Variants in FBN2 observed in about 807,000 individuals in gnomAD.
FBN2 encodes the protein fibrillin-2.
In FBN2, 105 loss-of-function variants were observed where a neutral mutation model predicts 355.6. The ratio of observed to expected loss-of-function variants is 0.30; its 90% CI spans 0.25 to 0.35. The LOEUF is 0.35. Ranked by LOEUF, FBN2 falls within the 10% of genes least tolerant of loss-of-function variation. The probability of loss-of-function intolerance (pLI) is 1.00; values close to 1 mark genes in which losing one functional copy is unlikely to be tolerated. For missense variants in FBN2, 3,280 were observed against 3,758.7 expected (o/e 0.87, Z 3.33); for synonymous variants, 1,350 against 1,301.2 (o/e 1.04, Z -0.81).
intron 7 of FBN2, among the ~76,000 whole-genome samples, chr5:128,411,518 T>C (rs1048846284): frequency 6.6e-6 from 1 of 152,222 alleles, no homozygotes; most frequent in Admixed American, 6.5e-5. Context: ...CGTCCCCAGC[T>C]GAACTCCTCT....
rs892065542 is a variant in FBN2 at position 128,395,271 on chromosome 5, T to C, written c.1082A>G (p.Gln361Arg). 6.2e-7 allele frequency: 1 copy of C among 1,614,132 alleles called. No individual in the cohort carries two copies. Among genetic ancestry groups the C allele is most frequent in the Non-Finnish European group, 8.5e-7 (1 of 1,180,010 alleles). ...TSTDGSRCID[Q>R]RTGMCFSGLV... is the part of the protein sequence containing the mutation. ...GCCCGAGAAACACATGCCTGTTCTC[T>C]GATCTGTGCATGTATAAATAAGACA... is the stretch of plus-strand genomic sequence containing the variant. The change falls in exon 9 of 65, where the codon CAG (glutamine) becomes CGG (arginine). Residue 361 changes from glutamine to arginine, a missense_variant. Transcript: ENST00000262464.
At position 128,376,849 on chromosome 5, in the gene FBN2, A is replaced by C. The variant is rs1239587970; in HGVS notation, c.1854T>G (p.His618Gln). 6.2e-7 allele frequency: 1 copy of C among 1,613,096 alleles called. No individual in the cohort carries two copies. Among genetic ancestry groups the C allele is most frequent in the African/African-American group, 1.3e-5 (1 of 74,880 alleles). The change falls in exon 14 of 65, where the codon CAT (histidine) becomes CAG (glutamine). Residue 618 changes from histidine (H) to glutamine (Q), a missense_variant. This residue lies in a region of FBN2 where 2,284 missense variants were observed against 2,749.5 expected (regional missense o/e 0.83). Transcript: ENST00000262464. ...ACATGTTGGTAGTTGTACATTCATC[A>C]TGATCTGCAGAAGAGGATTGAGTGA... ...LTTDGKNCVD[H>Q]DECTTTNMCL...
At position 128,280,179 on chromosome 5, in the gene FBN2, G is replaced by A. The variant is rs375728092; in HGVS notation, c.7138+13C>T. ...TTATCTACCAAGTATAATATATTTG[G>A]ATGTCAACTTACCAAGGCATTCAGT... On this transcript the variant is annotated intron_variant, in intron 56 of 64. Coordinates refer to ENST00000262464, the MANE Select transcript of FBN2 (RefSeq NM_001999.4). 5 of 1,607,276 alleles carry A rather than the reference G, an allele frequency of 3.1e-6. No homozygotes were observed. The highest frequency in any genetic ancestry group is 4.3e-6 in the Non-Finnish European group (5 of 1,174,696).
Position 128,440,266 on chromosome 5 carries a change from G to A in FBN2, c.952+6215C>T, listed in dbSNP as rs191875210. ...CTTTAGACTATTGCTACTGACTCCT[G>A]TATTAATCCATTTTCACATTGTTAT... On this transcript the variant is annotated intron_variant, in intron 7 of 64. Transcript: ENST00000262464. Among the ~76,000 whole-genome samples, 69 of 152,216 alleles carry A rather than the reference G, an allele frequency of 4.5e-4. 2 individuals carry two copies. In the East Asian group the frequency reaches 0.013, roughly 28 times the overall value.
At chr5:128,380,947 T>G (rs1298310861) in intron 11 of FBN2, among the ~76,000 whole-genome samples, 1 of 152,088 alleles carries the variant, frequency 6.6e-6, no homozygotes, top group Non-Finnish European at 1.5e-5. Flanking sequence ...TTTAACCTCC[T>G]AAAATAAATT....
intron 42 of FBN2, among the ~76,000 whole-genome samples, 191 bp downstream of exon 42, chr5:128,306,944 C>T (rs569046578): frequency 1.4e-3 from 209 of 152,264 alleles, no homozygotes; most frequent in South Asian, 4.4e-3. Context: ...CACCAGACTA[C>T]GCTGATGGAG....
rs2112811119 is a variant in FBN2, at chr5:128,537,541, G to C, written c.63C>G (p.Leu21=). Residue 21 remains leucine, a synonymous_variant, in exon 1 of 65, where the codon CTC becomes CTG. Coordinates refer to ENST00000262464, the MANE Select transcript of FBN2 (RefSeq NM_001999.4). Reference sequence around the variant, plus strand: ...GCTGGCCGGCCGTGCCCTGCGCCCAGAGCACCACACAGCCCAGCCACAGGA... The same window carrying C: ...GCTGGCCGGCCGTGCCCTGCGCCCACAGCACCACACAGCCCAGCCACAGGA... The part of the protein sequence containing the change: ...LYFLWLGCVV[L]WAQGTAGQPQ... 3 of 1,596,048 alleles carry C rather than the reference G, an allele frequency of 1.9e-6. No individual in the cohort carries two copies. Among genetic ancestry groups the C allele is most frequent in the South Asian group, 2.2e-5 (2 of 89,028 alleles).
At chr5:128,318,740 G>T in intron 35 of FBN2, 139 bp downstream of exon 35, 1 of 721,662 alleles carries the variant, frequency 1.4e-6, no homozygotes, top group Non-Finnish European at 2.3e-6. Context: ...AAATGCATCT[G>T]AATATAATTT....
chr5:128,470,435 G>A (rs1754828585), intron 5 of FBN2, among the ~76,000 whole-genome samples: 1 of 152,156 alleles, frequency 6.6e-6, no homozygotes, highest in Admixed American at 6.5e-5. Context: ...AAAGAGTCTG[G>A]TAGGGGGTTT....
At chr5:128,319,033 T>G (rs750027896) in intron 34 of FBN2, 32 bp from the exon 35 acceptor site, 3 of 1,546,556 alleles carry the variant, frequency 1.9e-6, no homozygotes, top group African/African-American at 2.7e-5. Flanking sequence ...AATCTCTTAT[T>G]TAAGAAGACA....
chr5:128,457,639 G>A (rs1193041467), intron 6 of FBN2, among the ~76,000 whole-genome samples: 2 of 152,126 alleles, frequency 1.3e-5, no homozygotes, highest in Non-Finnish European at 2.9e-5. Flanking sequence ...AAAGACTGGG[G>A]TCCAATATTC....
intron 6 of FBN2, among the ~76,000 whole-genome samples, chr5:128,449,326 T>C (rs111366701): frequency 0.032 from 4,725 of 146,460 alleles, 121 homozygotes; most frequent in Non-Finnish European, 0.048. Context: ...GTATACTATA[T>C]AGTATACGTA....
At chr5:128,341,991 T>C (rs1008639019) in intron 25 of FBN2, among the ~76,000 whole-genome samples, 1 of 152,074 alleles carries the variant, frequency 6.6e-6, no homozygotes, top group Non-Finnish European at 1.5e-5. Flanking sequence ...AAGTCCCTAG[T>C]AGGATAAAGT....
intron 4 of FBN2, among the ~76,000 whole-genome samples, chr5:128,526,282 C>T (rs1366177093): frequency 6.6e-6 from 1 of 151,934 alleles, no homozygotes; most frequent in Non-Finnish European, 1.5e-5. Flanking sequence ...AGAGTGGAGC[C>T]CTTGTGCACT....
intron 5 of FBN2, among the ~76,000 whole-genome samples, chr5:128,483,451 T>C (rs143654271): frequency 1.3e-5 from 2 of 152,034 alleles, no homozygotes; most frequent in East Asian, 3.9e-4. Context: ...AGAGAAACCA[T>C]ACCAGCTGAA....
Position 128,312,901 on chromosome 5 carries a change from A to C in FBN2, c.4718-106T>G, listed in dbSNP as rs954543025. On this transcript the variant is annotated intron_variant, in intron 36 of 64. Transcript: ENST00000262464. Reference sequence around the variant, plus strand: ...TGAAATTCAAATTTTGTACGTTAACATGAAAGGTTCCTTTTAATCCTTAAG... The same window carrying C: ...TGAAATTCAAATTTTGTACGTTAACCTGAAAGGTTCCTTTTAATCCTTAAG... 82 of 1,241,996 alleles carry C rather than the reference A, an allele frequency of 6.6e-5. No homozygotes were observed. The African/African-American group carries it at 1.1e-3, about 16-fold the overall frequency. 76.9% of individuals were successfully genotyped at this position (1,241,996 alleles called of 1,614,324 possible).
chr5:128,436,580 G>C (rs566908227), intron 7 of FBN2, among the ~76,000 whole-genome samples: 1 of 150,890 alleles, frequency 6.6e-6, no homozygotes, highest in Non-Finnish European at 1.5e-5. Flanking sequence ...ATAGGAAAAC[G>C]GTAACCCTAA....
In FBN2 at chr5:128,345,345, G is replaced by A. The variant is rs375688726; in HGVS notation, c.3217+12C>T. 8.7e-6 allele frequency: 14 copies of A among 1,606,530 alleles called. No homozygotes were observed. The highest frequency in any genetic ancestry group is 8.0e-5 in the African/African-American group (6 of 74,758). On this transcript the variant is annotated intron_variant, in intron 24 of 64. Coordinates refer to ENST00000262464, the MANE Select transcript of FBN2 (RefSeq NM_001999.4). ...GTGAAGAAGGACCAAGGCGCTGGCC[G>A]CAGGCAGTTACCTTTGTAAAATGGC...
intron 7 of FBN2, among the ~76,000 whole-genome samples, chr5:128,434,422 A>ATATATATATATATG (rs1561455185): frequency 3.0e-5 from 4 of 132,702 alleles, no homozygotes; most frequent in African/African-American, 1.3e-4. Flanking sequence ...ATATATATAT[A>ATATATATATATATG]TATGGGCAGT....
Sources: allele counts gnomAD v4.1 joint callset (sites outside exome capture counted in the v4.1 genomes callset), GRCh38; gene constraint gnomAD v4.1.1; regional missense constraint gnomAD v4.1.1; transcripts MANE v1.5; gene names NCBI Gene and HGNC (gene_info 2026-07-23, HGNC 2026-07-21).